RFX3: variants seen among roughly 807,000 people sequenced by gnomAD.
RFX3 encodes transcription factor RFX3.
Under a neutral mutation model 98.6 loss-of-function variants are expected in RFX3, and 14 were observed. The observed-to-expected ratio is 0.14, with a 90% CI of 0.09 to 0.22. The LOEUF (loss-of-function observed/expected upper bound fraction) is 0.22. Among genes scored for constraint, RFX3 ranks in the 10% least tolerant of loss-of-function variants. The pLI is 1.00. For synonymous variants in RFX3, 383 were observed against 328.4 expected (o/e 1.17, Z -1.80); for missense variants, 639 against 926.9 (o/e 0.69, Z 4.03).
At chr9:3,419,795 TG>T (rs564646823) in intron 1 of RFX3, among the ~76,000 whole-genome samples, 84 of 152,190 alleles carry the variant, frequency 5.5e-4, no homozygotes, top group Non-Finnish European at 1.1e-3. Context: ...TACATATGCA[TG>T]GGGTACATAT....
intron 4 of RFX3, among the ~76,000 whole-genome samples, chr9:3,312,577 A>AT (rs1251538238): frequency 1.3e-5 from 2 of 152,062 alleles, no homozygotes; most frequent in South Asian, 2.1e-4. Context: ...CTCAATTAAA[A>AT]AAAAAAAAAA....
chr9:3,490,456 TATTA>T, intron 1 of RFX3: 1 of 173,334 alleles, frequency 5.8e-6, no homozygotes, highest in Non-Finnish European at 1.1e-5. Flanking sequence ...GTATTAATTA[TATTA>T]ATTACATAAC....
In RFX3 at chr9:3,277,412, T is replaced by C; in HGVS notation, c.901A>G (p.Ser301Gly). The change falls in exon 8 of 17, where the codon AGT becomes GGT. Residue 301 changes from serine to glycine, a missense_variant. Ser to Gly is a moderately conservative substitution (Grantham distance 56). Transcript: ENST00000617270. ...ACAGATGTGCCTGTCTGTTGACCACTTCCTGTGAAACCATCTGCAACCCCA... is the reference window on the plus strand; with the variant it reads ...ACAGATGTGCCTGTCTGTTGACCACCTCCTGTGAAACCATCTGCAACCCCA... ...VDGVADGFTG[S>G]GQQTGTSVEQ... The C allele has an allele frequency of 1.2e-6, 2 of 1,612,710 alleles. No individual in the cohort carries two copies. Among genetic ancestry groups the C allele is most frequent in the Non-Finnish European group, 1.7e-6 (2 of 1,178,942 alleles).
chr9:3,327,491 T>C (rs919635878), intron 4 of RFX3, among the ~76,000 whole-genome samples: 7 of 152,118 alleles, frequency 4.6e-5, no homozygotes, highest in African/African-American at 1.7e-4. Context: ...TTTAGACAAG[T>C]ACCGCACTAT....
intron 15 of RFX3, chr9:3,247,331 C>G: frequency 1.0e-6 from 1 of 987,008 alleles, no homozygotes; most frequent in Non-Finnish European, 1.2e-6. Context: ...GAATTTTCCC[C>G]CTTACATCAT....
intron 2 of RFX3, chr9:3,364,679 C>A: frequency 6.3e-6 from 1 of 158,704 alleles, no homozygotes; most frequent in South Asian, 1.8e-4. Flanking sequence ...TAGATTTGTT[C>A]ATTTGCTGAC....
intron 15 of RFX3, among the ~76,000 whole-genome samples, chr9:3,237,527 C>A (rs370921907): frequency 2.3e-4 from 35 of 152,190 alleles, no homozygotes; most frequent in African/African-American, 8.4e-4. Context: ...AAAATCTAAT[C>A]CAGAGTAGAA....
intron 1 of RFX3, chr9:3,488,916 C>A: frequency 3.0e-6 from 3 of 983,894 alleles, no homozygotes; most frequent in Non-Finnish European, 3.6e-6. Context: ...GACCATATAT[C>A]AAATTGAAAT....
At chr9:3,259,991 T>A (rs755124337) in intron 13 of RFX3, among the ~76,000 whole-genome samples, 1 of 151,720 alleles carries the variant, frequency 6.6e-6, no homozygotes, top group Non-Finnish European at 1.5e-5. Flanking sequence ...GAACTGGAGA[T>A]GGGGATAAAG....
chr9:3,524,837 A>G (rs1010853968), intron 1 of RFX3, among the ~76,000 whole-genome samples: 31 of 94,526 alleles, frequency 3.3e-4, no homozygotes, highest in African/African-American at 2.0e-3. Flanking sequence ...GCACACACAC[A>G]CACACACACA....
intron 7 of RFX3, among the ~76,000 whole-genome samples, chr9:3,278,665 T>C (rs768141237): frequency 2.6e-5 from 4 of 151,836 alleles, no homozygotes; most frequent in Non-Finnish European, 5.9e-5. Context: ...AAACTAATGC[T>C]CAGCTTGCCT....
intron 1 of RFX3, among the ~76,000 whole-genome samples, chr9:3,423,233 G>C (rs899390317): frequency 1.3e-5 from 2 of 152,128 alleles, no homozygotes; most frequent in Admixed American, 6.5e-5. Context: ...CACTTTGAAA[G>C]GTGCTTCTGA....
intron 4 of RFX3, among the ~76,000 whole-genome samples, chr9:3,329,429 C>CAAAAAAAAAAAAAAAAAAAAAAAAAAAA (rs1056225979): frequency 9.2e-6 from 1 of 108,282 alleles, no homozygotes; most frequent in Non-Finnish European, 1.8e-5. Flanking sequence ...AAAAAAAAAA[C>CAAAAAAAAAAAAAAAAAAAAAAAAAAAA]AAAAAACCAC....
In RFX3 at chr9:3,423,913, C is replaced by T. The variant is rs557515847; in HGVS notation, c.-8-28317G>A. On this transcript the variant is annotated intron_variant, in intron 1 of 16. Coordinates refer to ENST00000617270, the MANE Select transcript of RFX3 (RefSeq NM_001282116.2). ...CTGTAATCCCAGCACTCTGGGAGGCCGAGGCGGGGGGACCACAAGGTCAGG... is the reference window on the plus strand; with the variant it reads ...CTGTAATCCCAGCACTCTGGGAGGCTGAGGCGGGGGGACCACAAGGTCAGG... Among the ~76,000 whole-genome samples the T allele has an allele frequency of 5.2e-3, 782 of 150,650 alleles. 9 individuals carry two copies. Among genetic ancestry groups the T allele is most frequent in the Admixed American group, 7.9e-3 (120 of 15,120 alleles).
intron 1 of RFX3, among the ~76,000 whole-genome samples, chr9:3,478,298 T>A (rs1218621879): frequency 2.0e-5 from 3 of 152,162 alleles, no homozygotes; most frequent in Non-Finnish European, 4.4e-5. Context: ...CTAAATTTTT[T>A]AATCATCAGT....
At chr9:3,467,518 A>G (rs1848419710) in intron 1 of RFX3, among the ~76,000 whole-genome samples, 1 of 152,136 alleles carries the variant, frequency 6.6e-6, no homozygotes, top group Admixed American at 6.6e-5. Context: ...TTATTTCTCA[A>G]GGAAAGGTTA....
chr9:3,386,821 C>T (rs1432867372), intron 2 of RFX3, among the ~76,000 whole-genome samples: 1 of 152,010 alleles, frequency 6.6e-6, no homozygotes, highest in Non-Finnish European at 1.5e-5. Flanking sequence ...GTACATATGT[C>T]TCTTATCAGG....
chr9:3,400,141 T>G (rs1260140887), intron 1 of RFX3: 1 of 450,486 alleles, frequency 2.2e-6, no homozygotes, highest in East Asian at 1.6e-4. Context: ...ATTTTAAAGA[T>G]GAGTTAACTG....
intron 3 of RFX3, among the ~76,000 whole-genome samples, chr9:3,340,968 G>A (rs1011409022): frequency 4.6e-5 from 7 of 152,004 alleles, no homozygotes; most frequent in Admixed American, 6.5e-5. Flanking sequence ...TGTTTATTGC[G>A]GCACTATTCA....
Sources: allele counts gnomAD v4.1 joint callset (sites outside exome capture counted in the v4.1 genomes callset), GRCh38; gene constraint gnomAD v4.1.1; transcripts MANE v1.5; gene names NCBI Gene and HGNC (gene_info 2026-07-23, HGNC 2026-07-21).